TNRC18: variants seen among roughly 807,000 people sequenced by gnomAD.
TNRC18 encodes the protein trinucleotide repeat containing 18.
Under a neutral mutation model 226.7 loss-of-function variants are expected in TNRC18, and 69 were observed. The ratio of observed to expected loss-of-function variants is 0.30; its 90% CI spans 0.25 to 0.37. TNRC18 has a LOEUF of 0.37. Ranked by LOEUF, TNRC18 falls within the 10% of genes least tolerant of loss-of-function variation. The pLI, the probability that TNRC18 is intolerant of heterozygous loss-of-function variation, is 1.00. For missense variants in TNRC18, 4,754 were observed against 4,256.6 expected (o/e 1.12, Z -3.25); for synonymous variants, 2,449 against 1,927.6 (o/e 1.27, Z -7.09).
chr7:5,423,585 T>C lies in TNRC18; in HGVS notation c.-388A>G, dbSNP rs1782698093. ...GCCACCCGCAGCCGCCTCACACTTT[T>C]TGCCCGCCTTTCCTTTTTTTGGTAG... On this transcript the variant is annotated 5_prime_UTR_variant, in exon 1 of 30. Transcript: ENST00000430969. 1 of 151,546 alleles carries C rather than the reference T, an allele frequency of 6.6e-6. No individual in the cohort carries two copies. The highest frequency in any genetic ancestry group is 1.5e-5 in the Non-Finnish European group (1 of 67,838). The allele number at this position is 151,546 out of a possible 1,614,324, so 9.4% of individuals were successfully genotyped here.
chr7:5,366,849 A>G (rs1383997894), intron 11 of TNRC18, among the ~76,000 whole-genome samples: 2 of 152,154 alleles, frequency 1.3e-5, no homozygotes, highest in Admixed American at 6.5e-5. Context: ...CCACAAACCT[A>G]TTATCCCTAA....
chr7:5,313,064 C>T lies in TNRC18; in HGVS notation c.7827G>A (p.Ala2609=), dbSNP rs764461620. The part of the protein sequence containing the change: ...GRNCSAASSR[A]ASPASSSSSS... ...AGGAGGAGGAGGAGGCCGGTGAGGCCGCCCTGGAGCTGGCAGCGCTGCAGT... is the reference window on the plus strand; with the variant it reads ...AGGAGGAGGAGGAGGCCGGTGAGGCTGCCCTGGAGCTGGCAGCGCTGCAGT... The change falls in exon 27 of 30, where the codon GCG becomes GCA. Residue 2609 remains alanine, a synonymous_variant. Coordinates refer to ENST00000430969, the MANE Select transcript of TNRC18 (RefSeq NM_001080495.3). 32 of 1,122,470 alleles carry T rather than the reference C, an allele frequency of 2.9e-5. No homozygotes were observed. Among genetic ancestry groups the T allele is most frequent in the Middle Eastern group, 2.7e-4 (1 of 3,674 alleles). The allele number at this position is 1,122,470 out of a possible 1,614,324, so 69.5% of individuals were successfully genotyped here.
intron 10 of TNRC18, among the ~76,000 whole-genome samples, chr7:5,372,213 G>A (rs10267942): frequency 0.055 from 8,208 of 150,378 alleles, 268 homozygotes; most frequent in South Asian, 0.14. Context: ...GACGACAGGC[G>A]CCCGCCACCA....
intron 19 of TNRC18, 85 bp downstream of exon 19, chr7:5,332,537 T>C (rs1167299499): frequency 2.0e-5 from 28 of 1,414,528 alleles, no homozygotes; most frequent in Non-Finnish European, 2.5e-5. Context: ...TGAAGCCGCT[T>C]CCCTAGGCTG....
At position 5,328,698 on chromosome 7, in the gene TNRC18, G is replaced by C. The variant is rs570653274; in HGVS notation, c.6148-3450C>G. ...TACTTTTTTGTATTTTTTTAGTAGAGGCGGGGTTTCACCATATTGGCTAGG... is the reference window on the plus strand; with the variant it reads ...TACTTTTTTGTATTTTTTTAGTAGACGCGGGGTTTCACCATATTGGCTAGG... On this transcript the variant is annotated intron_variant, in intron 19 of 29. Coordinates refer to ENST00000430969, the MANE Select transcript of TNRC18 (RefSeq NM_001080495.3). Among the ~76,000 whole-genome samples the C allele has an allele frequency of 5.6e-4, 85 of 152,048 alleles. 1 individual carries two copies. The highest frequency in any genetic ancestry group is 2.0e-3 in the African/African-American group (82 of 41,500).
rs925855591 is a variant in TNRC18 at position 5,376,753 on chromosome 7, C to T, written c.2608+94G>A. 1.1e-5 allele frequency: 16 copies of T among 1,474,844 alleles called. No individual in the cohort carries two copies. In the Admixed American group the frequency reaches 1.3e-4, roughly 12 times the overall value. The allele number at this position is 1,474,844 out of a possible 1,614,324, so 91.4% of individuals were successfully genotyped here. ...CCTCCCCAGCCCCAGATCTGCCGGC[C>T]GCCACCCCTCAGCAGGAAGCCCTTG... On this transcript the variant is annotated intron_variant, in intron 8 of 29. Coordinates refer to ENST00000430969, the MANE Select transcript of TNRC18 (RefSeq NM_001080495.3).
At chr7:5,323,303 T>C (rs972017765) in intron 21 of TNRC18, among the ~76,000 whole-genome samples, 11 of 151,814 alleles carry the variant, frequency 7.2e-5, no homozygotes, top group Non-Finnish European at 1.6e-4. Context: ...CACATGACTC[T>C]CCCTGACCCG....
At chr7:5,416,365 A>C (rs1023580625) in intron 2 of TNRC18, among the ~76,000 whole-genome samples, 2 of 152,010 alleles carry the variant, frequency 1.3e-5, no homozygotes, top group Non-Finnish European at 2.9e-5. Context: ...CAGTGAGCCG[A>C]GATGGAGCCA....
At chr7:5,310,228 T>A (rs1193451460) in intron 27 of TNRC18, among the ~76,000 whole-genome samples, 1 of 151,806 alleles carries the variant, frequency 6.6e-6, no homozygotes, top group Non-Finnish European at 1.5e-5. Flanking sequence ...AAAATAGTTA[T>A]TATTATTATT....
In TNRC18 at chr7:5,313,239, T is replaced by G. The variant is rs1373218461; in HGVS notation, c.7652A>C (p.Gln2551Pro). 11 of 1,548,972 alleles carry G rather than the reference T, an allele frequency of 7.1e-6. No homozygotes were observed. The highest frequency in any genetic ancestry group is 9.6e-6 in the Non-Finnish European group (11 of 1,146,684). ...PKSPDKAQAE[Q>P]DGAEESESSS... ...GCTCTCGGACTCTTCGGCCCCGTCC[T>G]GCTCAGCCTGGGCCTTGTCTGGGCT... The change falls in exon 27 of 30, where the codon CAG becomes CCG. Residue 2551 changes from glutamine (Q) to proline (P), a missense_variant. By Grantham distance (76) the Gln-to-Pro change is moderately conservative. Coordinates refer to ENST00000430969, the MANE Select transcript of TNRC18 (RefSeq NM_001080495.3).
At position 5,388,311 on chromosome 7, in the gene TNRC18, C is replaced by A; in HGVS notation, c.1513G>T (p.Gly505Cys). 1 of 868,390 alleles carries A rather than the reference C, an allele frequency of 1.2e-6. No homozygotes were observed. The highest frequency in any genetic ancestry group is 1.8e-6 in the Non-Finnish European group (1 of 561,658). The allele number at this position is 868,390 out of a possible 1,614,324, so 53.8% of individuals were successfully genotyped here. ...AAGGGTTTCCATTTATGCTCAGGGC[C>A]GGTGGGCGGGGGGCGCCCGGGCTCC... Reference protein sequence around the residue: ...GLEPGRPPPTGPEHKWKPFEL... With the variant: ...GLEPGRPPPTCPEHKWKPFEL... Residue 505 changes from glycine to cysteine, a missense_variant, in exon 5 of 30, where the codon GGC becomes TGC. Gly to Cys is a radical substitution (Grantham distance 159). Coordinates refer to ENST00000430969, the MANE Select transcript of TNRC18 (RefSeq NM_001080495.3).
chr7:5,411,961 G>A (rs964884956), intron 2 of TNRC18, among the ~76,000 whole-genome samples: 2 of 152,102 alleles, frequency 1.3e-5, no homozygotes, highest in African/African-American at 4.8e-5. Flanking sequence ...CAGGCAAGAG[G>A]ATTATTTGAG....
chr7:5,357,131 C>A lies in TNRC18; in HGVS notation c.4979G>T (p.Gly1660Val). 6.4e-7 allele frequency: 1 copy of A among 1,560,120 alleles called. No homozygotes were observed. Among genetic ancestry groups the A allele is most frequent in the Non-Finnish European group, 8.7e-7 (1 of 1,151,278 alleles). ...AGGAGTCAAGTACCTGCCGCAGCCC[C>A]CGCTAGTTTTCGATTTCCCCCCAGC... ...DSAGGKSKTS[G>V]GCGRYLTPYD... Residue 1660 changes from glycine to valine, a missense_variant, in exon 16 of 30, where the codon GGG (glycine) becomes GTG (valine). Gly to Val is a moderately radical substitution (Grantham distance 109, BLOSUM62 -3). Transcript: ENST00000430969.
In TNRC18 at chr7:5,348,774, C is replaced by T. The variant is rs1290944244; in HGVS notation, c.5471-2964G>A. ...AGGCTGGAGAGGCCAGCCAGGCAGG[C>T]GGGGGCAGGCAGGCAGGCAGTGCAC... is the stretch of plus-strand genomic sequence containing the variant. On this transcript the variant is annotated intron_variant, in intron 17 of 29. Coordinates refer to ENST00000430969, the MANE Select transcript of TNRC18 (RefSeq NM_001080495.3). Among the ~76,000 whole-genome samples the T allele has an allele frequency of 2.6e-5, 4 of 152,162 alleles. No homozygotes were observed. In the South Asian group the frequency reaches 6.2e-4, roughly 24 times the overall value.
At position 5,312,972 on chromosome 7, in the gene TNRC18, G is replaced by GA. The variant is rs1562477137; in HGVS notation, c.7918dup (p.Ser2640PhefsTer45). ...GGAGGAAGACGAAGAGGAAGAGGAG[G>GA]AGGAGGAAGAGGAGGAGGAGGAAGA... On this transcript the variant is annotated frameshift_variant, in exon 27 of 30. Coordinates refer to ENST00000430969, the MANE Select transcript of TNRC18 (RefSeq NM_001080495.3). LOFTEE classifies it high-confidence loss of function. The surrounding 1 kb of genome is among the most constrained non-coding windows in gnomAD (Gnocchi z 6.3). The GA allele has an allele frequency of 8.7e-5, 96 of 1,099,868 alleles. No homozygotes were observed. The East Asian group carries it at 2.3e-3, about 27-fold the overall frequency. The allele number at this position is 1,099,868 out of a possible 1,614,324, so 68.1% of individuals were successfully genotyped here.
At chr7:5,337,035 T>TA (rs1430476632) in intron 18 of TNRC18, among the ~76,000 whole-genome samples, 1 of 152,082 alleles carries the variant, frequency 6.6e-6, no homozygotes, top group East Asian at 1.9e-4. Context: ...GGGTGTCAGA[T>TA]AAACACCAAG....
intron 2 of TNRC18, among the ~76,000 whole-genome samples, chr7:5,401,738 T>A (rs1229145275): frequency 6.6e-6 from 1 of 152,212 alleles, no homozygotes; most frequent in Non-Finnish European, 1.5e-5. Context: ...CTAGGTATGC[T>A]ACGAGTTATT....
chr7:5,357,249 T>C lies in TNRC18; in HGVS notation c.4861A>G (p.Ser1621Gly). 1 of 1,612,138 alleles carries C rather than the reference T, an allele frequency of 6.2e-7. No homozygotes were observed. Among genetic ancestry groups the C allele is most frequent in the Non-Finnish European group, 8.5e-7 (1 of 1,179,226 alleles). Residue 1621 changes from serine to glycine, a missense_variant, in exon 16 of 30, where the codon AGC becomes GGC. By Grantham distance (56) the Ser-to-Gly change is moderately conservative. Transcript: ENST00000430969. ...TTGCTTGCCAACTGCTCCTGGTCGCTGGCCATCTTCTTCTTCTTAATCTTT... is the reference window on the plus strand; with the variant it reads ...TTGCTTGCCAACTGCTCCTGGTCGCCGGCCATCTTCTTCTTCTTAATCTTT... Reference protein sequence around the residue: ...QLKIKKKKMASDQEQLASKLD... With the variant: ...QLKIKKKKMAGDQEQLASKLD...
At position 5,327,638 on chromosome 7, in the gene TNRC18, T is replaced by C. The variant is rs115397026; in HGVS notation, c.6148-2390A>G. Among the ~76,000 whole-genome samples, 937 of 152,282 alleles carry C rather than the reference T, an allele frequency of 6.2e-3. 8 individuals are homozygous for C. The highest frequency in any genetic ancestry group is 0.021 in the African/African-American group (887 of 41,540). On this transcript the variant is annotated intron_variant, in intron 19 of 29. Transcript: ENST00000430969. ...AAAAAAAAAGGCCTGAATGGATTTT[T>C]CTTTTCTTTATCTTCCAAATTACTG...
Sources: allele counts gnomAD v4.1 joint callset (sites outside exome capture counted in the v4.1 genomes callset), GRCh38; gene constraint gnomAD v4.1.1; non-coding constraint Gnocchi (gnomAD v3.1); transcripts MANE v1.5; gene names NCBI Gene and HGNC (gene_info 2026-07-23, HGNC 2026-07-21).